Variants in CDH13 observed in about 807,000 individuals in gnomAD.
CDH13 encodes the protein cadherin-13.
In CDH13, 24 loss-of-function variants were observed where a neutral mutation model predicts 63.8. The observed-to-expected ratio is 0.38, with a 90% CI of 0.27 to 0.53. The LOEUF is 0.53. CDH13 is among the 20% of genes least tolerant of loss of function. The probability of loss-of-function intolerance (pLI) is 0.85; values close to 1 mark genes in which losing one functional copy is unlikely to be tolerated. For missense variants in CDH13, 1,049 were observed against 903.1 expected (o/e 1.16, Z -2.07); for synonymous variants, 503 against 355.3 (o/e 1.42, Z -4.67).
chr16:83,329,403 T>C (rs1049847228), intron 5 of CDH13, among the ~76,000 whole-genome samples: 1 of 57,078 alleles, frequency 1.8e-5, no homozygotes, highest in Admixed American at 2.2e-4. Flanking sequence ...TTTTTGTATT[T>C]TTTTTTTTTT....
At chr16:82,966,044 C>A (rs531578083) in intron 2 of CDH13, among the ~76,000 whole-genome samples, 12 of 152,216 alleles carry the variant, frequency 7.9e-5, no homozygotes, top group Non-Finnish European at 1.8e-4. Context: ...GGTACCTTGG[C>A]AGGCAGGCTC....
intron 1 of CDH13, among the ~76,000 whole-genome samples, chr16:82,746,224 A>G (rs535525388): frequency 3.5e-5 from 3 of 86,220 alleles, no homozygotes; most frequent in East Asian, 3.1e-4. Context: ...GTTTATATAT[A>G]TGTGTTTATA....
intron 5 of CDH13, among the ~76,000 whole-genome samples, chr16:83,246,287 A>T (rs541035623): frequency 4.6e-5 from 7 of 152,170 alleles, no homozygotes; most frequent in African/African-American, 1.4e-4. Context: ...TGAACAAGAC[A>T]TAGTATTTTT....
At chr16:83,455,084 C>G (rs1035881188) in intron 6 of CDH13, among the ~76,000 whole-genome samples, 1 of 152,174 alleles carries the variant, frequency 6.6e-6, no homozygotes, top group Non-Finnish European at 1.5e-5. Context: ...CCATTGTTAT[C>G]ACACTTTCTA....
intron 4 of CDH13, among the ~76,000 whole-genome samples, chr16:83,202,689 T>C (rs750648227): frequency 5.9e-5 from 9 of 152,204 alleles, no homozygotes; most frequent in Non-Finnish European, 8.8e-5. Context: ...GAAAGGGCAG[T>C]CAACGTGAAT....
At chr16:83,526,854 A>G (rs1318155193) in intron 7 of CDH13, among the ~76,000 whole-genome samples, 1 of 152,196 alleles carries the variant, frequency 6.6e-6, no homozygotes, top group African/African-American at 2.4e-5. Flanking sequence ...AATTCAGGCC[A>G]GGGATGGTGG....
intron 4 of CDH13, among the ~76,000 whole-genome samples, chr16:83,196,940 C>T (rs1224378022): frequency 1.3e-5 from 2 of 152,208 alleles, no homozygotes; most frequent in South Asian, 2.1e-4. Context: ...CACTCCTAGG[C>T]GTTTATCCCA....
intron 6 of CDH13, among the ~76,000 whole-genome samples, chr16:83,377,632 A>T (rs1376880383): frequency 6.6e-6 from 1 of 152,214 alleles, no homozygotes; most frequent in Non-Finnish European, 1.5e-5. Context: ...AAGTCATTGA[A>T]TTGAAAAGCA....
chr16:83,786,422 G>T (rs1257757648), intron 13 of CDH13, among the ~76,000 whole-genome samples: 1 of 152,146 alleles, frequency 6.6e-6, no homozygotes, highest in Non-Finnish European at 1.5e-5. Flanking sequence ...TTGTGCTCTA[G>T]ATTACGACTT....
intron 10 of CDH13, among the ~76,000 whole-genome samples, chr16:83,693,495 CG>C (rs1338358330): frequency 6.6e-6 from 1 of 152,174 alleles, no homozygotes; most frequent in African/African-American, 2.4e-5. Flanking sequence ...AAGCCAGCCC[CG>C]GGTACCTCAC....
intron 7 of CDH13, among the ~76,000 whole-genome samples, chr16:83,586,306 C>CAG (rs1309981119): frequency 1.3e-5 from 2 of 152,148 alleles, no homozygotes; most frequent in Non-Finnish European, 2.9e-5. Context: ...GATTTCCTCC[C>CAG]AGAGAGAGGG....
chr16:82,846,684 T>A (rs553862767), intron 1 of CDH13, among the ~76,000 whole-genome samples: 1 of 152,250 alleles, frequency 6.6e-6, no homozygotes, highest in South Asian at 2.1e-4. Context: ...TATATGTCCA[T>A]GTGTCTGTCT....
At chr16:82,681,520 A>T (rs1217604109) in intron 1 of CDH13, among the ~76,000 whole-genome samples, 2 of 152,256 alleles carry the variant, frequency 1.3e-5, no homozygotes, top group Middle Eastern at 3.2e-3. Context: ...GCAAATACAT[A>T]AATGAGAAAG....
chr16:83,058,541 C>A (rs2151517722), intron 3 of CDH13, among the ~76,000 whole-genome samples: 1 of 152,292 alleles, frequency 6.6e-6, no homozygotes. Context: ...AACCATGTTG[C>A]CAAGAGATGG....
chr16:82,725,414 A>G (rs981710766), intron 1 of CDH13, among the ~76,000 whole-genome samples: 4 of 152,172 alleles, frequency 2.6e-5, no homozygotes, highest in African/African-American at 9.6e-5. Flanking sequence ...CTTACAAGCT[A>G]GCTCCACCAC....
chr16:83,737,673 C>T (rs1003036122), intron 10 of CDH13, among the ~76,000 whole-genome samples: 4 of 152,162 alleles, frequency 2.6e-5, no homozygotes, highest in Non-Finnish European at 5.9e-5. Context: ...TGAATCAGAG[C>T]CACCTGGAAA....
At chr16:83,680,597 C>T (rs942886268) in intron 10 of CDH13, among the ~76,000 whole-genome samples, 3 of 152,172 alleles carry the variant, frequency 2.0e-5, no homozygotes, top group Non-Finnish European at 4.4e-5. Flanking sequence ...TAAGGGACTT[C>T]ATCCTACCGC....
intron 6 of CDH13, among the ~76,000 whole-genome samples, chr16:83,461,294 G>A (rs143746407): frequency 1.6e-4 from 24 of 152,152 alleles, no homozygotes; most frequent in African/African-American, 5.3e-4. Context: ...TATCAGCTAT[G>A]TAACATTTAT....
intron 1 of CDH13, among the ~76,000 whole-genome samples, chr16:82,745,420 C>T (rs1185964811): frequency 1.3e-5 from 2 of 152,176 alleles, no homozygotes; most frequent in South Asian, 2.1e-4. Flanking sequence ...AAAGAAAATA[C>T]GGTGAAACCC....
Sources: gnomAD v4.1 joint callset for allele counts (sites outside exome capture counted in the v4.1 genomes callset) on GRCh38, gnomAD v4.1.1 for gene constraint, MANE v1.5 for transcripts, NCBI Gene and HGNC (gene_info 2026-07-23, HGNC 2026-07-21) for gene names.